Variants in CACNA2D1 observed in about 807,000 individuals in gnomAD.
The protein encoded by CACNA2D1 is voltage-dependent calcium channel subunit alpha-2/delta-1.
In CACNA2D1, 53 loss-of-function variants were observed where a neutral mutation model predicts 171.5. That is an observed-to-expected ratio of 0.31 (90% CI 0.25 to 0.39). CACNA2D1 has a LOEUF of 0.39. Ranked by LOEUF, CACNA2D1 falls within the 10% of genes least tolerant of loss-of-function variation. The pLI is 1.00. For missense variants in CACNA2D1, 903 were observed against 1,299.8 expected, an observed-to-expected ratio of 0.69 and a Z score of 4.69; for synonymous variants, 442 against 443.1, an observed-to-expected ratio of 1.00 and a Z score of 0.03.
intron 10 of CACNA2D1, among the ~76,000 whole-genome samples, chr7:82,045,794 A>G (rs774634720): frequency 4.6e-5 from 7 of 152,122 alleles, no homozygotes; most frequent in Non-Finnish European, 8.8e-5. Context: ...AACAAGCTAC[A>G]GTTTTAGTTT....
chr7:82,298,931 C>T (rs964270345), intron 3 of CACNA2D1, among the ~76,000 whole-genome samples: 7 of 151,470 alleles, frequency 4.6e-5, no homozygotes, highest in Admixed American at 2.0e-4. Context: ...GGCGTGGTGG[C>T]GGGTGCATGT....
intron 18 of CACNA2D1, among the ~76,000 whole-genome samples, chr7:81,998,606 A>G (rs191883837): frequency 6.6e-6 from 1 of 152,194 alleles, no homozygotes; most frequent in African/African-American, 2.4e-5. Context: ...GAACATTCTT[A>G]AAGGCAAATT....
chr7:82,366,903 C>CTTTTTTTTTTTTTTTTTTTTTCT (rs1821794143), intron 1 of CACNA2D1, among the ~76,000 whole-genome samples: 1 of 86,944 alleles, frequency 1.2e-5, no homozygotes, highest in Non-Finnish European at 2.3e-5. Context: ...TGGTTTTGAC[C>CTTTTTTTTTTTTTTTTTTTTTCT]TTTTTTTTTT....
intron 3 of CACNA2D1, among the ~76,000 whole-genome samples, chr7:82,227,836 T>C (rs960389662): frequency 6.6e-6 from 1 of 152,182 alleles, no homozygotes; most frequent in Admixed American, 6.5e-5. Flanking sequence ...CAGTGACTAT[T>C]CATACTAAGT....
chr7:82,061,187 A>T (rs1432372933), intron 9 of CACNA2D1, among the ~76,000 whole-genome samples: 1 of 152,202 alleles, frequency 6.6e-6, no homozygotes, highest in Non-Finnish European at 1.5e-5. Context: ...CCAAAATGAC[A>T]CATTACTTCC....
At chr7:82,026,346 T>C (rs1281248175) in intron 12 of CACNA2D1, among the ~76,000 whole-genome samples, 1 of 151,730 alleles carries the variant, frequency 6.6e-6, no homozygotes, top group Non-Finnish European at 1.5e-5. Context: ...TATTTTTCTT[T>C]TGTATTTTCT....
At chr7:82,185,943 G>A (rs1319241961) in intron 3 of CACNA2D1, among the ~76,000 whole-genome samples, 1 of 151,874 alleles carries the variant, frequency 6.6e-6, no homozygotes, top group African/African-American at 2.4e-5. Context: ...GATCACCTGA[G>A]GTCAGGAGTT....
chr7:82,399,194 T>C (rs1826068988), intron 1 of CACNA2D1, among the ~76,000 whole-genome samples: 1 of 152,066 alleles, frequency 6.6e-6, no homozygotes, highest in Admixed American at 6.6e-5. Flanking sequence ...AACTCTGTTT[T>C]ATTGGGAGGC....
intron 1 of CACNA2D1, among the ~76,000 whole-genome samples, chr7:82,426,816 C>A (rs1829238132): frequency 6.6e-6 from 1 of 152,074 alleles, no homozygotes; most frequent in African/African-American, 2.4e-5. Context: ...ACCCCCCTAC[C>A]CTTATTCAAG....
chr7:82,247,637 G>A (rs1371080312), intron 3 of CACNA2D1, among the ~76,000 whole-genome samples: 1 of 152,140 alleles, frequency 6.6e-6, no homozygotes, highest in African/African-American at 2.4e-5. Context: ...ACACAGGCTT[G>A]TTTTGATTTG....
chr7:82,435,029 A>ATTT, intron 1 of CACNA2D1, among the ~76,000 whole-genome samples: 2 of 113,804 alleles, frequency 1.8e-5, no homozygotes, highest in Non-Finnish European at 3.7e-5. Context: ...CTCTTCAGAT[A>ATTT]CTTTTTTTTT....
Position 81,967,599 on chromosome 7 carries a change from A to T in CACNA2D1, c.2460T>A (p.Asp820Glu). 3 of 1,476,808 alleles carry T rather than the reference A, an allele frequency of 2.0e-6. No homozygotes were observed. Among genetic ancestry groups the T allele is most frequent in the Non-Finnish European group, 2.8e-6 (3 of 1,062,248 alleles). 91.5% of individuals were successfully genotyped at this position (1,476,808 alleles called of 1,614,324 possible). A position where few individuals can be genotyped will look rare whatever the true frequency, so the allele number is the denominator to read the frequency against. The change falls in exon 30 of 39, where the codon GAT (aspartate) becomes GAA (glutamate). Residue 820 changes from aspartate to glutamate, a missense_variant. Asp to Glu is a conservative substitution (Grantham distance 45). Around this residue, in one of 5 missense-constraint regions of CACNA2D1, gnomAD observed 623 missense variants for 925.5 expected, o/e 0.67. Transcript: ENST00000356860. Reference sequence around the variant, plus strand: ...GAATTTTTTAAAAATATCTTACCGGATCTCTGATTGAGGTTTTGGTGAAAT... The same window carrying T: ...GAATTTTTTAAAAATATCTTACCGGTTCTCTGATTGAGGTTTTGGTGAAAT... ...IENFTKTSIR[D>E]PCAGPVCDCK...
intron 1 of CACNA2D1, among the ~76,000 whole-genome samples, chr7:82,355,015 A>T (rs1462548807): frequency 3.9e-5 from 6 of 152,098 alleles, no homozygotes. Context: ...TTTATAAGAA[A>T]CTGTGAAAAT....
intron 3 of CACNA2D1, among the ~76,000 whole-genome samples, chr7:82,179,187 A>G (rs1796861650): frequency 6.6e-6 from 1 of 152,092 alleles, no homozygotes; most frequent in South Asian, 2.1e-4. Context: ...TAATCCATGT[A>G]ATTCCACTCT....
intron 10 of CACNA2D1, among the ~76,000 whole-genome samples, chr7:82,059,741 C>G (rs912290333): frequency 1.3e-5 from 2 of 151,314 alleles, no homozygotes; most frequent in Non-Finnish European, 2.9e-5. Flanking sequence ...GACTTGGAAC[C>G]AACCCAGATG....
At chr7:82,222,742 AT>A (rs1279105840) in intron 3 of CACNA2D1, among the ~76,000 whole-genome samples, 4 of 151,390 alleles carry the variant, frequency 2.6e-5, no homozygotes, top group East Asian at 3.9e-4. Context: ...TTTCTTATTC[AT>A]TTTTTTTATC....
At chr7:82,156,652 A>AAG (rs3086932) in intron 4 of CACNA2D1, among the ~76,000 whole-genome samples, 60,519 of 151,542 alleles carry the variant, frequency 0.4, 12,339 homozygotes, top group Middle Eastern at 0.53. Flanking sequence ...TCTTTTAATA[A>AAG]GAGAGATCAA....
chr7:82,303,418 A>T (rs951116980), intron 3 of CACNA2D1, among the ~76,000 whole-genome samples: 2 of 151,988 alleles, frequency 1.3e-5, no homozygotes, highest in African/African-American at 4.8e-5. Context: ...TTTTCACAGA[A>T]ATAGAAAAAA....
intron 9 of CACNA2D1, among the ~76,000 whole-genome samples, chr7:82,061,503 C>A (rs756567318): frequency 3.9e-5 from 6 of 152,072 alleles, no homozygotes; most frequent in African/African-American, 7.2e-5. Context: ...TCATAGATAC[C>A]GACTAAATAG....
Sources: allele counts gnomAD v4.1 joint callset (sites outside exome capture counted in the v4.1 genomes callset), GRCh38; gene constraint gnomAD v4.1.1; regional missense constraint gnomAD v4.1.1; transcripts MANE v1.5; gene names NCBI Gene and HGNC (gene_info 2026-07-23, HGNC 2026-07-21).